ITIH5: variants seen among roughly 807,000 people sequenced by gnomAD.
ITIH5 encodes inter-alpha-trypsin inhibitor heavy chain H5.
ITIH5 carries 65 observed loss-of-function variants against 77.5 expected under a neutral mutation model. The observed-to-expected ratio is 0.84, with a 90% confidence interval of 0.69 to 1.03. ITIH5 has a LOEUF of 1.03. Ranked by LOEUF, ITIH5 falls within the 50% of genes least tolerant of loss-of-function variation. The pLI is 0.00. For synonymous variants in ITIH5, 525 were observed against 494.3 expected, an observed-to-expected ratio of 1.06 and a Z score of -0.82; for missense variants, 1,208 against 1,213.1, an observed-to-expected ratio of 1.00 and a Z score of 0.06.
At chr10:7,565,864 A>G (rs1832142087) in intron 13 of ITIH5, among the ~76,000 whole-genome samples, 166 bp downstream of exon 13, 1 of 150,974 alleles carries the variant, frequency 6.6e-6, no homozygotes, top group Non-Finnish European at 1.5e-5. Context: ...GACTATATAT[A>G]TGTACACACA....
intron 8 of ITIH5, among the ~76,000 whole-genome samples, chr10:7,582,338 C>T (rs949169600): frequency 2.0e-4 from 30 of 152,092 alleles, no homozygotes; most frequent in African/African-American, 7.0e-4. Flanking sequence ...GAGGTTGAAA[C>T]CCCAGCTACA....
At chr10:7,599,474 G>A (rs538592930) in intron 7 of ITIH5, among the ~76,000 whole-genome samples, 1 of 152,232 alleles carries the variant, frequency 6.6e-6, no homozygotes, top group South Asian at 2.1e-4. Context: ...CTCACTCCTG[G>A]TCTAAATCTG....
At chr10:7,606,721 C>T (rs1225885681) in intron 7 of ITIH5, among the ~76,000 whole-genome samples, 1 of 152,150 alleles carries the variant, frequency 6.6e-6, no homozygotes, top group African/African-American at 2.4e-5. Flanking sequence ...ATATGTGCCT[C>T]TTAAACCTAA....
At chr10:7,663,770 C>A (rs996603905) in intron 1 of ITIH5, among the ~76,000 whole-genome samples, 6 of 152,180 alleles carry the variant, frequency 3.9e-5, no homozygotes, top group Admixed American at 3.3e-4. Flanking sequence ...CAGGTACACA[C>A]AGGCAGTAAG....
At chr10:7,660,855 C>T (rs890153766) in intron 1 of ITIH5, among the ~76,000 whole-genome samples, 12 of 152,220 alleles carry the variant, frequency 7.9e-5, no homozygotes, top group African/African-American at 2.4e-4. Flanking sequence ...TTTGCATCCT[C>T]CATTCTTCTT....
intron 5 of ITIH5, among the ~76,000 whole-genome samples, chr10:7,633,498 T>C (rs1449069645): frequency 6.6e-6 from 1 of 152,206 alleles, no homozygotes; most frequent in African/African-American, 2.4e-5. Flanking sequence ...ATGTACAGTC[T>C]ATTTAATGAG....
intron 1 of ITIH5, among the ~76,000 whole-genome samples, chr10:7,664,851 G>T (rs78486340): frequency 0.037 from 5,696 of 152,262 alleles, 197 homozygotes; most frequent in African/African-American, 0.093. Context: ...TCTGTTCTAA[G>T]ATTTAAGTAT....
At chr10:7,616,224 A>G (rs1833364078) in intron 6 of ITIH5, 126 bp from the exon 7 acceptor site, 1 of 627,500 alleles carries the variant, frequency 1.6e-6, no homozygotes, top group Non-Finnish European at 2.9e-6. Flanking sequence ...GAGATTCCAC[A>G]CCCGGAGTAA....
intron 7 of ITIH5, among the ~76,000 whole-genome samples, chr10:7,600,844 T>C (rs1390131228): frequency 6.6e-6 from 1 of 152,172 alleles, no homozygotes; most frequent in Non-Finnish European, 1.5e-5. Flanking sequence ...CCTTCCACCA[T>C]GGGAGGACAT....
chr10:7,585,834 A>AAAC, intron 8 of ITIH5, 67 bp downstream of exon 8: 4 of 1,432,172 alleles, frequency 2.8e-6, no homozygotes, highest in Non-Finnish European at 3.8e-6. Flanking sequence ...GCAAAAAAAA[A>AAAC]AAAAAACCAA....
chr10:7,656,125 A>G (rs1834177407), intron 1 of ITIH5, among the ~76,000 whole-genome samples: 1 of 152,228 alleles, frequency 6.6e-6, no homozygotes. Flanking sequence ...TCTGGAAGCA[A>G]AACTGAACTT....
chr10:7,643,262 T>C (rs1833917872), intron 2 of ITIH5, among the ~76,000 whole-genome samples: 2 of 152,216 alleles, frequency 1.3e-5, no homozygotes, highest in Admixed American at 1.3e-4. Context: ...AGAAAATAAA[T>C]GTATGCTGTT....
At chr10:7,629,641 G>A (rs1230126312) in intron 5 of ITIH5, among the ~76,000 whole-genome samples, 1 of 152,226 alleles carries the variant, frequency 6.6e-6, no homozygotes, top group African/African-American at 2.4e-5. Context: ...GTTGTGGCAT[G>A]TATCTGTGTT....
At chr10:7,634,275 A>G (rs980213189) in intron 5 of ITIH5, among the ~76,000 whole-genome samples, 5 of 152,142 alleles carry the variant, frequency 3.3e-5, no homozygotes, top group African/African-American at 1.2e-4. Context: ...TTTGATCTTT[A>G]GCCTGGATTT....
intron 7 of ITIH5, among the ~76,000 whole-genome samples, chr10:7,610,246 G>A (rs1211908992): frequency 2.0e-5 from 3 of 151,982 alleles, no homozygotes; most frequent in Non-Finnish European, 4.4e-5. Flanking sequence ...ACCTCAGGCA[G>A]CTCTGTTGCT....
At chr10:7,607,700 C>T (rs1422289783) in intron 7 of ITIH5, among the ~76,000 whole-genome samples, 3 of 152,166 alleles carry the variant, frequency 2.0e-5, no homozygotes, top group African/African-American at 4.8e-5. Flanking sequence ...GTAATCCCAG[C>T]CTACTCGGAA....
chr10:7,665,290 A>G (rs1163933691), intron 1 of ITIH5, among the ~76,000 whole-genome samples: 1 of 152,200 alleles, frequency 6.6e-6, no homozygotes, highest in Non-Finnish European at 1.5e-5. Flanking sequence ...GTTTCAGTCC[A>G]TCCCACACTG....
At chr10:7,646,489 C>A (rs1241845138) in intron 2 of ITIH5, among the ~76,000 whole-genome samples, 1 of 152,212 alleles carries the variant, frequency 6.6e-6, no homozygotes. Flanking sequence ...CTTTCTTTAT[C>A]TGTGTCTTAG....
intron 1 of ITIH5, among the ~76,000 whole-genome samples, chr10:7,665,823 G>A (rs570466393): frequency 1.3e-5 from 2 of 152,224 alleles, no homozygotes; most frequent in South Asian, 4.1e-4. Context: ...TGCCTCCTGG[G>A]ATTTTATTAG....
Sources: gnomAD v4.1 joint callset for allele counts (sites outside exome capture counted in the v4.1 genomes callset) on GRCh38, gnomAD v4.1.1 for gene constraint, MANE v1.5 for transcripts, NCBI Gene and HGNC (gene_info 2026-07-23, HGNC 2026-07-21) for gene names.